Variants in CNTNAP5 observed in about 807,000 individuals in gnomAD.
CNTNAP5 encodes contactin associated protein family member 5.
CNTNAP5 carries 72 observed loss-of-function variants against 150.2 expected under a neutral mutation model. The observed-to-expected ratio is 0.48, with a 90% CI of 0.40 to 0.58. The LOEUF is 0.58. Ranked by LOEUF, CNTNAP5 falls within the 20% of genes least tolerant of loss-of-function variation. The pLI, the probability that CNTNAP5 is intolerant of heterozygous loss-of-function variation, is 0.00. For synonymous variants in CNTNAP5, 672 were observed against 619.8 expected (o/e 1.08, Z -1.25); for missense variants, 1,636 against 1,626.2 (o/e 1.01, Z -0.10).
intron 12 of CNTNAP5, among the ~76,000 whole-genome samples, chr2:124,636,265 T>A (rs914774472): frequency 6.6e-6 from 1 of 152,212 alleles, no homozygotes; most frequent in African/African-American, 2.4e-5. Flanking sequence ...AATCTATTTA[T>A]AAGTTTGTTG....
chr2:124,262,630 G>T (rs1687486846), intron 3 of CNTNAP5, among the ~76,000 whole-genome samples: 2 of 151,178 alleles, frequency 1.3e-5, no homozygotes, highest in Non-Finnish European at 2.9e-5. Context: ...GGACAAAATA[G>T]AATTTTTCCA....
At chr2:124,784,745 G>T (rs1248132013) in intron 17 of CNTNAP5, among the ~76,000 whole-genome samples, 1 of 152,200 alleles carries the variant, frequency 6.6e-6, no homozygotes, top group Non-Finnish European at 1.5e-5. Flanking sequence ...GGAGCTACAT[G>T]CAGGCTTTGA....
chr2:124,161,209 G>C (rs1401260269), intron 1 of CNTNAP5, among the ~76,000 whole-genome samples: 1 of 152,076 alleles, frequency 6.6e-6, no homozygotes, highest in Admixed American at 6.6e-5. Flanking sequence ...ATATTTTATA[G>C]ATAGGGTGAG....
chr2:124,320,370 G>C (rs1417926468), intron 3 of CNTNAP5, among the ~76,000 whole-genome samples: 1 of 152,162 alleles, frequency 6.6e-6, no homozygotes, highest in Non-Finnish European at 1.5e-5. Context: ...ATATCCCATT[G>C]TCACTGTAAT....
chr2:124,084,179 T>C (rs1682624567), intron 1 of CNTNAP5, among the ~76,000 whole-genome samples: 1 of 152,174 alleles, frequency 6.6e-6, no homozygotes. Context: ...TCATTGCTAG[T>C]ATATAGAAAT....
chr2:124,222,721 TCGTTGTG>T (rs1367161911), intron 2 of CNTNAP5, among the ~76,000 whole-genome samples: 9 of 144,108 alleles, frequency 6.2e-5, no homozygotes, highest in Non-Finnish European at 1.2e-4. Context: ...TTCTAATTGG[TCGTTGTG>T]TTTTTTTTTT....
At chr2:124,267,645 T>C (rs1006132037) in intron 3 of CNTNAP5, among the ~76,000 whole-genome samples, 6 of 152,110 alleles carry the variant, frequency 3.9e-5, no homozygotes, top group Admixed American at 1.3e-4. Context: ...ATGTATAAAA[T>C]TTATGTAGCT....
At chr2:124,443,312 G>A (rs973547057) in intron 5 of CNTNAP5, among the ~76,000 whole-genome samples, 18 of 150,122 alleles carry the variant, frequency 1.2e-4, no homozygotes, top group African/African-American at 3.9e-4. Context: ...ATATATATTA[G>A]AGCATGGAAT....
intron 21 of CNTNAP5, among the ~76,000 whole-genome samples, chr2:124,877,123 G>T (rs2104733543): frequency 6.6e-6 from 1 of 152,172 alleles, no homozygotes; most frequent in Middle Eastern, 3.4e-3. Context: ...ACAGGAATGT[G>T]TGTTATCTTC....
chr2:124,909,106 TGTAGA>T (rs759496001), intron 22 of CNTNAP5, among the ~76,000 whole-genome samples: 16 of 152,152 alleles, frequency 1.1e-4, no homozygotes, highest in Non-Finnish European at 1.9e-4. Context: ...CCCGTAGCAG[TGTAGA>T]GTAATGTCCT....
Position 124,236,806 on chromosome 2 carries a change from A to C in CNTNAP5, c.188-5394A>C, listed in dbSNP as rs554037067. Among the ~76,000 whole-genome samples, 16 of 152,258 alleles carry C rather than the reference A, an allele frequency of 1.1e-4. No homozygotes were observed. In the South Asian group the frequency reaches 3.1e-3, roughly 30 times the overall value. The stretch of plus-strand genomic sequence containing the variant: ...AGGGTTTATTTTAGGCTTTAAAAAA[A>C]AAAATGGTCAGGCTGTATTTTTAAA... On this transcript the variant is annotated intron_variant, in intron 2 of 23. Transcript: ENST00000682447.
intron 13 of CNTNAP5, among the ~76,000 whole-genome samples, chr2:124,693,388 A>G (rs1157578781): frequency 6.6e-6 from 1 of 152,140 alleles, no homozygotes; most frequent in East Asian, 1.9e-4. Context: ...TGGGAACATA[A>G]TGTGTCCAAG....
At chr2:124,294,223 T>C (rs1015441579) in intron 3 of CNTNAP5, among the ~76,000 whole-genome samples, 3 of 78,942 alleles carry the variant, frequency 3.8e-5, no homozygotes, top group Admixed American at 3.8e-4. Context: ...TACCTTGTTT[T>C]CTGCGTACTA....
intron 7 of CNTNAP5, among the ~76,000 whole-genome samples, chr2:124,488,134 GAAAGA>G (rs1273104296): frequency 6.6e-6 from 1 of 152,054 alleles, no homozygotes; most frequent in African/African-American, 2.4e-5. Context: ...CCGAAAATCA[GAAAGA>G]AAAGAAGTCA....
In CNTNAP5 at chr2:124,434,481, C is replaced by T. The variant is rs1430804174; in HGVS notation, c.530-3C>T. ...TTCTTTCCCGCTCCTTCTTTGTTCC[C>T]AGAATCAGATGTTGCTGACTTTGAT... On this transcript the variant is annotated splice_region_variant and splice_polypyrimidine_tract_variant and intron_variant, in intron 4 of 23. Transcript: ENST00000682447. 6.2e-7 allele frequency: 1 copy of T among 1,612,914 alleles called. No individual in the cohort carries two copies. Among genetic ancestry groups the T allele is most frequent in the African/African-American group, 1.3e-5 (1 of 75,006 alleles).
chr2:124,376,561 C>T (rs1444994567), intron 3 of CNTNAP5, among the ~76,000 whole-genome samples: 5 of 151,488 alleles, frequency 3.3e-5, no homozygotes, highest in Non-Finnish European at 5.9e-5. Flanking sequence ...CTATATGTAC[C>T]GTGTGTGTGT....
chr2:124,890,031 G>C (rs1304221288), intron 21 of CNTNAP5, among the ~76,000 whole-genome samples: 1 of 152,012 alleles, frequency 6.6e-6, no homozygotes. Context: ...GGGAGTATTA[G>C]AAATAATATA....
At chr2:124,088,678 T>A (rs1046747022) in intron 1 of CNTNAP5, among the ~76,000 whole-genome samples, 1 of 152,174 alleles carries the variant, frequency 6.6e-6, no homozygotes, top group African/African-American at 2.4e-5. Flanking sequence ...TCTCCATTGG[T>A]ACCTGACTGG....
At chr2:124,442,489 T>C (rs1277731415) in intron 5 of CNTNAP5, among the ~76,000 whole-genome samples, 1 of 152,202 alleles carries the variant, frequency 6.6e-6, no homozygotes, top group East Asian at 1.9e-4. Flanking sequence ...AATAGTGGAA[T>C]TTAGACAATT....
Sources: allele counts gnomAD v4.1 joint callset (sites outside exome capture counted in the v4.1 genomes callset), GRCh38; gene constraint gnomAD v4.1.1; transcripts MANE v1.5; gene names NCBI Gene and HGNC (gene_info 2026-07-23, HGNC 2026-07-21).